Variants in FBLN2 observed in about 807,000 individuals in gnomAD.
The protein encoded by FBLN2 is fibulin 2, also known as fibulin-2.
FBLN2 carries 81 observed loss-of-function variants against 123.7 expected under a neutral mutation model. The ratio of observed to expected loss-of-function variants is 0.65; its 90% CI spans 0.55 to 0.79. The LOEUF is 0.79. Among genes scored for constraint, FBLN2 ranks in the 30% least tolerant of loss-of-function variants. The pLI, the probability that FBLN2 is intolerant of heterozygous loss-of-function variation, is 0.00. For missense variants in FBLN2, 1,603 were observed against 1,681.3 expected (o/e 0.95, Z 0.81); for synonymous variants, 699 against 701.4 (o/e 1.00, Z 0.05).
intron 1 of FBLN2, among the ~76,000 whole-genome samples, chr3:13,561,638 C>T (rs912961634): frequency 6.6e-6 from 1 of 152,182 alleles, no homozygotes; most frequent in Admixed American, 6.5e-5. Context: ...GCCTCCTAGG[C>T]CTCCTCGTCT....
chr3:13,626,525 T>C lies in FBLN2; in HGVS notation c.2377T>C (p.Tyr793His), dbSNP rs1445837890. 3.2e-6 allele frequency: 5 copies of C among 1,559,056 alleles called. No homozygotes were observed. The highest frequency in any genetic ancestry group is 4.3e-6 in the Non-Finnish European group (5 of 1,151,408). The part of the protein sequence containing the change: ...CVNTLGSFHC[Y>H]KALTCEPGYA... ...GAACACACTGGGCTCCTTCCACTGC[T>C]ACAAGGCACTCACCTGTGAGCCAGG... Residue 793 changes from tyrosine to histidine, a missense_variant, in exon 10 of 18, where the codon TAC becomes CAC. Tyr to His is a moderately conservative substitution (Grantham distance 83, BLOSUM62 2). Transcript: ENST00000404922.
intron 2 of FBLN2, among the ~76,000 whole-genome samples, chr3:13,576,715 G>A (rs1253709466): frequency 2.2e-5 from 3 of 134,050 alleles, no homozygotes; most frequent in African/African-American, 9.2e-5. Flanking sequence ...GGGTGGTCAG[G>A]GGGATCCCCC....
chr3:13,573,460 A>C (rs1490786810), intron 2 of FBLN2, among the ~76,000 whole-genome samples: 3 of 152,140 alleles, frequency 2.0e-5, no homozygotes, highest in Non-Finnish European at 4.4e-5. Flanking sequence ...ATCACTGCTC[A>C]GAACATCACA....
chr3:13,563,338 C>A (rs1456205909), intron 1 of FBLN2, among the ~76,000 whole-genome samples: 1 of 152,236 alleles, frequency 6.6e-6, no homozygotes, highest in Non-Finnish European at 1.5e-5. Context: ...ATGGCTCACA[C>A]CTGTGCCTTC....
chr3:13,636,043 C>T (rs999143844), intron 16 of FBLN2, among the ~76,000 whole-genome samples: 3 of 152,148 alleles, frequency 2.0e-5, no homozygotes, highest in Admixed American at 1.3e-4. Context: ...CTGGGGATAG[C>T]GTTCCAGCAG....
chr3:13,627,635 G>A (rs41293415), intron 10 of FBLN2, among the ~76,000 whole-genome samples, 197 bp from the exon 11 acceptor site: 6,169 of 152,282 alleles, frequency 0.041, 166 homozygotes, highest in African/African-American at 0.077. Flanking sequence ...AAAGAGAAGC[G>A]CAGTAAACAT....
In FBLN2 at chr3:13,554,508, G is replaced by A. The variant is rs76189777; in HGVS notation, c.-42+5300G>A. On this transcript the variant is annotated intron_variant, in intron 1 of 17. Coordinates refer to ENST00000404922, the MANE Select transcript of FBLN2 (RefSeq NM_001004019.2). ...AAAACATTGATGAGCATGCATGCGCGTGCCCACACACACGTTCTCTCTTTC... is the reference window on the plus strand; with the variant it reads ...AAAACATTGATGAGCATGCATGCGCATGCCCACACACACGTTCTCTCTTTC... 7.5e-3 allele frequency among the ~76,000 whole-genome samples: 1,136 copies of A among 151,724 alleles called. 11 individuals carry two copies. The highest frequency in any genetic ancestry group is 0.026 in the African/African-American group (1,060 of 41,342).
chr3:13,634,797 C>T (rs536556223), intron 16 of FBLN2, among the ~76,000 whole-genome samples: 1 of 152,342 alleles, frequency 6.6e-6, no homozygotes, highest in African/African-American at 2.4e-5. Flanking sequence ...TGAGGCGGTC[C>T]GGGGGTATTG....
intron 1 of FBLN2, among the ~76,000 whole-genome samples, chr3:13,557,866 C>A (rs1448553512): frequency 1.3e-5 from 2 of 152,226 alleles, no homozygotes; most frequent in Non-Finnish European, 2.9e-5. Flanking sequence ...AGTGGCAGGG[C>A]TAGGTTCAAA....
chr3:13,616,018 G>T (rs1238350929), intron 5 of FBLN2, among the ~76,000 whole-genome samples: 1 of 152,222 alleles, frequency 6.6e-6, no homozygotes, highest in East Asian at 1.9e-4. Flanking sequence ...GTACAGGTGG[G>T]AGAACAGATA....
chr3:13,584,344 T>G (rs1704430552), intron 2 of FBLN2, among the ~76,000 whole-genome samples: 2 of 152,196 alleles, frequency 1.3e-5, no homozygotes, highest in African/African-American at 4.8e-5. Flanking sequence ...AGGAGCTGGC[T>G]GAGAGCTCTG....
rs752480178 is a variant in FBLN2, at chr3:13,628,891, A to G, written c.2570-14A>G. 1 of 1,604,412 alleles carries G rather than the reference A, an allele frequency of 6.2e-7. No homozygotes were observed. The highest frequency in any genetic ancestry group is 8.5e-7 in the Non-Finnish European group (1 of 1,175,434). On this transcript the variant is annotated splice_polypyrimidine_tract_variant and intron_variant, in intron 11 of 17. Coordinates refer to ENST00000404922, the MANE Select transcript of FBLN2 (RefSeq NM_001004019.2). ...CCATGCCGGGCTCCCTGTCACCTAC[A>G]CCTGCCTCTGCAGACATCAACGAGT...
At chr3:13,618,707 CT>C (rs1705723070) in intron 6 of FBLN2, among the ~76,000 whole-genome samples, 196 bp from the exon 7 acceptor site, 1 of 152,162 alleles carries the variant, frequency 6.6e-6, no homozygotes, top group Non-Finnish European at 1.5e-5. Flanking sequence ...CTTCTACCCC[CT>C]CTGCCCCCAG....
rs1162796947 is a variant in FBLN2, at chr3:13,570,859, G to A, written c.504G>A (p.Glu168=). The A allele has an allele frequency of 6.2e-7, 1 of 1,610,474 alleles. No homozygotes were observed. The highest frequency in any genetic ancestry group is 1.1e-5 in the South Asian group (1 of 90,462). The change falls in exon 2 of 18, where the codon GAG becomes GAA. Residue 168 remains glutamate, a synonymous_variant. Coordinates refer to ENST00000404922, the MANE Select transcript of FBLN2 (RefSeq NM_001004019.2). ...GCCACTGCCCTGACGCCGGTGGAGA[G>A]CTCATCTGCTACCAGCTCCCCGGTT... ...RACHCPDAGG[E]LICYQLPGCH...
rs373482195 is a variant in FBLN2, at chr3:13,571,504, C to A, written c.1149C>A (p.Pro383=). The A allele has an allele frequency of 6.2e-7, 1 of 1,613,670 alleles. No homozygotes were observed. Among genetic ancestry groups the A allele is most frequent in the East Asian group, 2.2e-5 (1 of 44,864 alleles). Residue 383 remains proline (P), a synonymous_variant, in exon 2 of 18, where the codon CCC becomes CCA. Transcript: ENST00000404922. The part of the protein sequence containing the change: ...VPGSPRDPVK[P]SPHNILSTSL... ...GCTCTCCCAGGGACCCAGTCAAGCCCAGCCCCCACAACATCCTGTCCACAT... is the reference window on the plus strand; with the variant it reads ...GCTCTCCCAGGGACCCAGTCAAGCCAAGCCCCCACAACATCCTGTCCACAT...
At chr3:13,603,427 C>T (rs745602989) in intron 2 of FBLN2, among the ~76,000 whole-genome samples, 6 of 143,742 alleles carry the variant, frequency 4.2e-5, no homozygotes, top group South Asian at 2.3e-4. Flanking sequence ...GTGATGTTCC[C>T]CATCCTGTGT....
chr3:13,581,166 G>T (rs914922170), intron 2 of FBLN2, among the ~76,000 whole-genome samples: 1 of 150,902 alleles, frequency 6.6e-6, no homozygotes, highest in Admixed American at 6.6e-5. Flanking sequence ...TGGGGGATAC[G>T]TGGTGCACCT....
chr3:13,627,174 G>A lies in FBLN2; in HGVS notation c.2431+595G>A, dbSNP rs375759753. ...TGGGTTCAAGGAGGCCCCTGGAGGA[G>A]GTGACGTTGGAGTTGAGACCTGAAT... On this transcript the variant is annotated intron_variant, in intron 10 of 17. Transcript: ENST00000404922. 7.2e-4 allele frequency among the ~76,000 whole-genome samples: 109 copies of A among 152,142 alleles called. 2 individuals carry two copies. The South Asian group carries it at 0.022, about 31-fold the overall frequency.
At chr3:13,589,788 C>T (rs1247319357) in intron 2 of FBLN2, among the ~76,000 whole-genome samples, 1 of 152,054 alleles carries the variant, frequency 6.6e-6, no homozygotes, top group Admixed American at 6.6e-5. Context: ...CCGTATAGCT[C>T]GTTTTATAAA....
Sources: gnomAD v4.1 joint callset for allele counts (sites outside exome capture counted in the v4.1 genomes callset) on GRCh38, gnomAD v4.1.1 for gene constraint, MANE v1.5 for transcripts, NCBI Gene and HGNC (gene_info 2026-07-23, HGNC 2026-07-21) for gene names.